The following MKLN1 variants were observed in gnomAD, a reference collection of about 807,000 sequenced individuals.
MKLN1 encodes the protein muskelin 1.
In MKLN1, 18 loss-of-function variants were observed where a neutral mutation model predicts 99.0. That is an observed-to-expected ratio of 0.18 (90% CI 0.13 to 0.27). The LOEUF (loss-of-function observed/expected upper bound fraction) is 0.27. Among genes scored for constraint, MKLN1 ranks in the 10% least tolerant of loss-of-function variants. The pLI is 1.00. For missense variants in MKLN1, 621 were observed against 875.9 expected (o/e 0.71, Z 3.67); for synonymous variants, 288 against 293.2 (o/e 0.98, Z 0.18).
chr7:131,239,920 G>A (rs986383138), intron 3 of MKLN1, among the ~76,000 whole-genome samples: 5 of 151,774 alleles, frequency 3.3e-5, no homozygotes, highest in African/African-American at 7.3e-5. Context: ...GGTGGCTCAC[G>A]CCTATAATCC....
intron 1 of MKLN1, among the ~76,000 whole-genome samples, chr7:131,350,595 C>G (rs1799692064): frequency 6.6e-6 from 1 of 152,160 alleles, no homozygotes; most frequent in African/African-American, 2.4e-5. Flanking sequence ...CAGTTTCTTG[C>G]AAGTTGTTGC....
intron 10 of MKLN1, among the ~76,000 whole-genome samples, chr7:131,439,538 C>T (rs971531376): frequency 4.6e-5 from 7 of 152,116 alleles, no homozygotes; most frequent in African/African-American, 1.7e-4. Flanking sequence ...CTGTATAATC[C>T]TGCATTTGCT....
chr7:131,110,248 G>T (rs957490388), intron 1 of MKLN1: 1 of 159,688 alleles, frequency 6.3e-6, no homozygotes, highest in Non-Finnish European at 1.4e-5. Flanking sequence ...GGAAGGGAGC[G>T]CGCAGGGGGG....
intron 2 of MKLN1, among the ~76,000 whole-genome samples, chr7:131,191,979 C>T (rs979012073): frequency 1.4e-5 from 2 of 147,234 alleles, no homozygotes; most frequent in African/African-American, 2.5e-5. Flanking sequence ...CTCGGCCTCT[C>T]AAAGTGCTAG....
chr7:131,376,372 G>A (rs1174119109), intron 2 of MKLN1, among the ~76,000 whole-genome samples: 7 of 148,470 alleles, frequency 4.7e-5, no homozygotes, highest in African/African-American at 1.5e-4. Context: ...GGCTGGGCGC[G>A]GTGGCTCATG....
Position 131,490,174 on chromosome 7 carries a change from A to G in MKLN1, c.*2446A>G, listed in dbSNP as rs1376190455. 1 of 152,604 alleles carries G rather than the reference A, an allele frequency of 6.6e-6. No homozygotes were observed. The highest frequency in any genetic ancestry group is 1.5e-5 in the Non-Finnish European group (1 of 68,026). 9.5% of individuals were successfully genotyped at this position (152,604 alleles called of 1,614,324 possible). A position where few individuals can be genotyped will look rare whatever the true frequency, so the allele number is the denominator to read the frequency against. ...ATTTAAATAATCGAATTTGGTATTT[A>G]GGTACATTGTTTATATAGCCAAGTG... On this transcript the variant is annotated 3_prime_UTR_variant, in exon 18 of 18. Transcript: ENST00000352689.
intron 2 of MKLN1, among the ~76,000 whole-genome samples, chr7:131,192,544 A>ATT (rs1313565220): frequency 1.4e-5 from 2 of 141,458 alleles, no homozygotes; most frequent in Non-Finnish European, 3.0e-5. Flanking sequence ...AAATATATAT[A>ATT]TTATATATAT....
intron 6 of MKLN1, among the ~76,000 whole-genome samples, chr7:131,409,710 A>G (rs1794815811): frequency 6.6e-6 from 1 of 152,232 alleles, no homozygotes; most frequent in Non-Finnish European, 1.5e-5. Flanking sequence ...GTTTAATAGT[A>G]AAAGTAACTT....
chr7:131,198,165 A>G (rs528071667), intron 2 of MKLN1, among the ~76,000 whole-genome samples: 3 of 152,368 alleles, frequency 2.0e-5, no homozygotes, highest in South Asian at 2.1e-4. Context: ...TAAAGAATGT[A>G]TAAGCCTCAA....
At chr7:131,263,655 T>C (rs1425909217) in intron 3 of MKLN1, among the ~76,000 whole-genome samples, 1 of 151,328 alleles carries the variant, frequency 6.6e-6, no homozygotes, top group African/African-American at 2.4e-5. Context: ...CACTGCAACC[T>C]CTGCCTCCCG....
chr7:131,270,257 T>C (rs1797865296), intron 3 of MKLN1, among the ~76,000 whole-genome samples: 2 of 141,726 alleles, frequency 1.4e-5, no homozygotes, highest in African/African-American at 5.3e-5. Context: ...AGATCTCACT[T>C]TGTTGCCCAG....
In MKLN1 at chr7:131,236,018, A is replaced by G. The variant is rs79971411; in HGVS notation, c.-179+33044A>G. ...AGTTTTTCAAAGGAAGTCAAATAAT[A>G]ATTTGTAGAATCTTAGTCTAGGGTG... On this transcript the variant is annotated intron_variant, in intron 3 of 7. Coordinates refer to the MKLN1 transcript ENST00000416992. 5.0e-3 allele frequency among the ~76,000 whole-genome samples: 763 copies of G among 152,266 alleles called. 6 individuals are homozygous for G. Among genetic ancestry groups the G allele is most frequent in the African/African-American group, 0.017 (699 of 41,554 alleles).
chr7:131,233,170 T>C (rs539773115), intron 3 of MKLN1, among the ~76,000 whole-genome samples: 44 of 152,022 alleles, frequency 2.9e-4, no homozygotes, highest in African/African-American at 1.0e-3. Flanking sequence ...CGAGATTCTG[T>C]CTTGGCAAAA....
At chr7:131,271,909 C>CA (rs35730081) in intron 3 of MKLN1, among the ~76,000 whole-genome samples, 12,423 of 143,250 alleles carry the variant, frequency 0.087, 817 homozygotes, top group African/African-American at 0.2. Context: ...AACTCTGTCT[C>CA]AAAAAAAAAA....
chr7:131,135,737 C>T (rs1250247442), intron 1 of MKLN1, among the ~76,000 whole-genome samples: 3 of 152,200 alleles, frequency 2.0e-5, no homozygotes, highest in East Asian at 1.9e-4. Context: ...CGAGCTTCAT[C>T]GGTGTGTTTT....
At chr7:131,161,961 G>A (rs201526467) in intron 2 of MKLN1, among the ~76,000 whole-genome samples, 2 of 81,096 alleles carry the variant, frequency 2.5e-5, no homozygotes, top group African/African-American at 1.2e-4. Context: ...GTGTGTGTGT[G>A]TGTATATATA....
At chr7:131,428,570 A>G (rs186846682) in intron 8 of MKLN1, among the ~76,000 whole-genome samples, 17 of 152,332 alleles carry the variant, frequency 1.1e-4, no homozygotes, top group African/African-American at 3.6e-4. Context: ...TTTACACTAT[A>G]TATTCCTCTG....
At chr7:131,289,584 G>A (rs1051206490) in intron 3 of MKLN1, among the ~76,000 whole-genome samples, 27 of 152,220 alleles carry the variant, frequency 1.8e-4, no homozygotes, top group African/African-American at 6.5e-4. Flanking sequence ...ATACTTTAGT[G>A]TTTAACAGCA....
At chr7:131,199,541 G>A (rs1429490737) in intron 2 of MKLN1, among the ~76,000 whole-genome samples, 1 of 152,110 alleles carries the variant, frequency 6.6e-6, no homozygotes, top group Non-Finnish European at 1.5e-5. Context: ...TTCTTGCTTA[G>A]CCATACCCAC....
Sources: allele counts gnomAD v4.1 joint callset (sites outside exome capture counted in the v4.1 genomes callset), GRCh38; gene constraint gnomAD v4.1.1; transcripts MANE v1.5; gene names NCBI Gene and HGNC (gene_info 2026-07-23, HGNC 2026-07-21).